GRIK3: variants seen among roughly 807,000 people sequenced by gnomAD.
GRIK3 encodes glutamate receptor ionotropic, kainate 3.
Under a neutral mutation model 102.5 loss-of-function variants are expected in GRIK3, and 29 were observed. The observed-to-expected ratio is 0.28, with a 90% confidence interval of 0.21 to 0.39. GRIK3 has a LOEUF of 0.39. Ranked by LOEUF, GRIK3 falls within the 10% of genes least tolerant of loss-of-function variation. The pLI, the probability that GRIK3 is intolerant of heterozygous loss-of-function variation, is 1.00. For missense variants in GRIK3, 908 were observed against 1,252.4 expected, an observed-to-expected ratio of 0.73 and a Z score of 4.15; for synonymous variants, 511 against 504.9, an observed-to-expected ratio of 1.01 and a Z score of -0.16.
At chr1:36,848,087 C>T (rs768962125) in intron 9 of GRIK3, among the ~76,000 whole-genome samples, 1 of 152,194 alleles carries the variant, frequency 6.6e-6, no homozygotes, top group Admixed American at 6.5e-5. Flanking sequence ...ACTCACAGGT[C>T]GAGAGCATGG....
intron 1 of GRIK3, among the ~76,000 whole-genome samples, chr1:36,934,297 T>C (rs1438054020): frequency 6.6e-6 from 1 of 152,222 alleles, no homozygotes; most frequent in Non-Finnish European, 1.5e-5. Context: ...CCTTTCTGCC[T>C]GCCTACTCTC....
At chr1:36,857,091 T>C (rs1640661889) in intron 7 of GRIK3, among the ~76,000 whole-genome samples, 1 of 152,218 alleles carries the variant, frequency 6.6e-6, no homozygotes, top group South Asian at 2.1e-4. Context: ...AGGAGGACAC[T>C]GAGGCACAGA....
At chr1:36,946,151 C>T (rs1641781969) in intron 1 of GRIK3, among the ~76,000 whole-genome samples, 1 of 149,646 alleles carries the variant, frequency 6.7e-6, no homozygotes, top group Non-Finnish European at 1.5e-5. Flanking sequence ...AAAGTTGAGG[C>T]CCAGGCCAGG....
chr1:36,853,166 C>T (rs1006094315), intron 8 of GRIK3, among the ~76,000 whole-genome samples: 3 of 152,216 alleles, frequency 2.0e-5, no homozygotes, highest in Non-Finnish European at 4.4e-5. Flanking sequence ...TAAATGTCTC[C>T]AGTGACAGTG....
intron 1 of GRIK3, among the ~76,000 whole-genome samples, chr1:36,992,791 CTG>C (rs1371023903): frequency 7.2e-5 from 11 of 152,316 alleles, no homozygotes; most frequent in Non-Finnish European, 1.5e-4. Context: ...CCTCACGACT[CTG>C]TGAGGTGAGT....
At chr1:36,957,820 C>CT (rs1641939844) in intron 1 of GRIK3, among the ~76,000 whole-genome samples, 1 of 137,812 alleles carries the variant, frequency 7.3e-6, no homozygotes, top group Non-Finnish European at 1.5e-5. Context: ...CTATGTGTCC[C>CT]GTGAGCCTGT....
intron 1 of GRIK3, among the ~76,000 whole-genome samples, chr1:36,900,739 A>G (rs1376508223): frequency 6.6e-6 from 1 of 152,186 alleles, no homozygotes; most frequent in Non-Finnish European, 1.5e-5. Flanking sequence ...CAAGAAATCA[A>G]TATAAAAATA....
In GRIK3 at chr1:36,942,729, G is replaced by T. The variant is rs78858068; in HGVS notation, c.116-51633C>A. 1.1e-4 allele frequency among the ~76,000 whole-genome samples: 17 copies of T among 151,884 alleles called. No individual in the cohort carries two copies. The East Asian group carries it at 3.1e-3, about 28-fold the overall frequency. On this transcript the variant is annotated intron_variant, in intron 1 of 15. Transcript: ENST00000373091. The stretch of plus-strand genomic sequence containing the variant: ...GGGCCAAAACCCACCCCCATGCCTT[G>T]CCTGTAGCTGGAGGGGAACTAGGAA...
At position 36,942,254 on chromosome 1, in the gene GRIK3, G is replaced by A. The variant is rs117269219; in HGVS notation, c.116-51158C>T. 1.2e-3 allele frequency among the ~76,000 whole-genome samples: 188 copies of A among 152,292 alleles called. 2 individuals are homozygous for A. In the East Asian group the frequency reaches 0.032, roughly 26 times the overall value. On this transcript the variant is annotated intron_variant, in intron 1 of 15. Transcript: ENST00000373091. The stretch of plus-strand genomic sequence containing the variant: ...TGGTGATGATGCTGGCGCTGCCACC[G>A]CGGGGTGACTCACATGAGTCCTGTG...
In GRIK3 at chr1:36,899,054, T is replaced by A. The variant is rs142454272; in HGVS notation, c.116-7958A>T. Among the ~76,000 whole-genome samples, 202 of 152,298 alleles carry A rather than the reference T, an allele frequency of 1.3e-3. 2 individuals carry two copies. The highest frequency in any genetic ancestry group is 4.8e-3 in the African/African-American group (198 of 41,574). ...ACTCAAAATGGATCAAAGACTTAAA[T>A]GTAAGACCTAAAACTATACAACTCT... is the stretch of plus-strand genomic sequence containing the variant. On this transcript the variant is annotated intron_variant, in intron 1 of 15. Coordinates refer to ENST00000373091, the MANE Select transcript of GRIK3 (RefSeq NM_000831.4).
At chr1:36,957,491 G>C in intron 1 of GRIK3, among the ~76,000 whole-genome samples, 1 of 126,284 alleles carries the variant, frequency 7.9e-6, no homozygotes, top group Non-Finnish European at 1.8e-5. Flanking sequence ...TGCCCCGTGA[G>C]CCTGTGTGCC....
intron 4 of GRIK3, among the ~76,000 whole-genome samples, chr1:36,870,359 G>A (rs889638976): frequency 6.6e-6 from 1 of 152,266 alleles, no homozygotes; most frequent in African/African-American, 2.4e-5. Flanking sequence ...CATGGCCACT[G>A]TGGAATTCTT....
chr1:36,843,332 A>G (rs1022583690), intron 9 of GRIK3, among the ~76,000 whole-genome samples: 5 of 152,190 alleles, frequency 3.3e-5, no homozygotes, highest in African/African-American at 1.2e-4. Flanking sequence ...CAGAAAATTC[A>G]ACACAATTGA....
intron 1 of GRIK3, among the ~76,000 whole-genome samples, chr1:36,911,639 C>T (rs1369218091): frequency 6.6e-6 from 1 of 151,986 alleles, no homozygotes; most frequent in South Asian, 2.1e-4. Context: ...CTATGAGGAG[C>T]TTTGTCTGTA....
At chr1:36,961,735 C>T (rs77576921) in intron 1 of GRIK3, among the ~76,000 whole-genome samples, 2 of 152,334 alleles carry the variant, frequency 1.3e-5, no homozygotes, top group Non-Finnish European at 2.9e-5. Flanking sequence ...TGCAAAGACC[C>T]GTGAATGAAG....
At chr1:37,007,735 T>G (rs900210426) in intron 1 of GRIK3, among the ~76,000 whole-genome samples, 24 of 152,222 alleles carry the variant, frequency 1.6e-4, no homozygotes, top group Non-Finnish European at 4.4e-5. Context: ...CTTTACTTCA[T>G]GGCTGAAGAA....
At chr1:37,026,376 C>T (rs1048306612) in intron 1 of GRIK3, among the ~76,000 whole-genome samples, 3 of 152,092 alleles carry the variant, frequency 2.0e-5, no homozygotes, top group Admixed American at 6.6e-5. Flanking sequence ...GGTATGTGAG[C>T]GATGGGCATA....
intron 9 of GRIK3, among the ~76,000 whole-genome samples, chr1:36,844,949 C>T (rs2124220487): frequency 6.6e-6 from 1 of 152,284 alleles, no homozygotes. Flanking sequence ...TGGCCTGATC[C>T]TCTAAAATTA....
At chr1:36,957,722 T>C (rs1301444884) in intron 1 of GRIK3, among the ~76,000 whole-genome samples, 25 of 101,782 alleles carry the variant, frequency 2.5e-4, no homozygotes, top group African/African-American at 4.2e-4. Flanking sequence ...GCCTGTGTGC[T>C]CTGTGAGTCT....
Sources: gnomAD v4.1 joint callset for allele counts (sites outside exome capture counted in the v4.1 genomes callset) on GRCh38, gnomAD v4.1.1 for gene constraint, MANE v1.5 for transcripts, NCBI Gene and HGNC (gene_info 2026-07-23, HGNC 2026-07-21) for gene names.